TNFRSF13B: variants seen among roughly 807,000 people sequenced by gnomAD.
The protein encoded by TNFRSF13B is tumor necrosis factor receptor superfamily member 13B.
A neutral mutation model predicts 24.0 loss-of-function variants in TNFRSF13B; 34 were observed. The ratio of observed to expected loss-of-function variants is 1.41; its 90% CI spans 1.08 to 1.88. The LOEUF (loss-of-function observed/expected upper bound fraction) is 1.88, where lower values mean the gene tolerates loss of function less well. Among genes scored for constraint, TNFRSF13B ranks in the 40% most tolerant of loss-of-function variants. The pLI is 0.00. For synonymous variants in TNFRSF13B, 173 were observed against 150.3 expected, an observed-to-expected ratio of 1.15 and a Z score of -1.10; for missense variants, 415 against 380.8, an observed-to-expected ratio of 1.09 and a Z score of -0.75.
rs2087594447 is a variant in TNFRSF13B at position 16,952,358 on chromosome 17, G to A, written c.199+88C>T. On this transcript the variant is annotated intron_variant, in intron 2 of 4. Coordinates refer to ENST00000261652, the MANE Select transcript of TNFRSF13B (RefSeq NM_012452.3). ...ATCTCCTCCTGCCACCCTTTCCTCA[G>A]CCACCTGACTGTGGGGCCAGAGGGT... 9 of 1,592,636 alleles carry A rather than the reference G, an allele frequency of 5.7e-6. No homozygotes were observed. In the South Asian group the frequency reaches 6.7e-5, roughly 12 times the overall value.
rs567585669 is a variant in TNFRSF13B at position 16,946,704 on chromosome 17, C to T, written c.445+2034G>A. Among the ~76,000 whole-genome samples the T allele has an allele frequency of 3.3e-5, 5 of 151,998 alleles. No individual in the cohort carries two copies. In the South Asian group the frequency reaches 8.3e-4, roughly 25 times the overall value. On this transcript the variant is annotated intron_variant, in intron 3 of 4. Transcript: ENST00000261652. ...TTGGGTTCAAACAATTCTCCTGCCT[C>T]AGCCTCCCAAGTAGCTGGGACTACA...
At chr17:16,955,439 A>G (rs1249519631) in intron 1 of TNFRSF13B, among the ~76,000 whole-genome samples, 1 of 152,284 alleles carries the variant, frequency 6.6e-6, no homozygotes, top group Non-Finnish European at 1.5e-5. Flanking sequence ...TGTTAGAATT[A>G]TAATTTATAG....
At chr17:16,950,061 A>G (rs2087578216) in intron 2 of TNFRSF13B, among the ~76,000 whole-genome samples, 4 of 152,208 alleles carry the variant, frequency 2.6e-5, no homozygotes. Flanking sequence ...AGAGTAAGGT[A>G]TGGCTTTTGA....
rs866468381 is a variant in TNFRSF13B at position 16,939,432 on chromosome 17, C to T, written c.*115G>A. 6 of 1,287,384 alleles carry T rather than the reference C, an allele frequency of 4.7e-6. 1 individual carries two copies. In the Middle Eastern group the frequency reaches 6.1e-4, roughly 130 times the overall value. The allele number at this position is 1,287,384 out of a possible 1,614,324, so 79.7% of individuals were successfully genotyped here. ...CTCTCTGTCTCCTCTGTTTCTCTCC[C>T]TCTCTGCCTCCTCTGTCTCTCTCTC... is the stretch of plus-strand genomic sequence containing the variant. On this transcript the variant is annotated 3_prime_UTR_variant, in exon 5 of 5. Transcript: ENST00000261652.
intron 3 of TNFRSF13B, among the ~76,000 whole-genome samples, chr17:16,942,911 G>A (rs1025101704): frequency 6.6e-6 from 1 of 152,194 alleles, no homozygotes; most frequent in African/African-American, 2.4e-5. Context: ...CCATGGGGGC[G>A]AGGTTGTGCC....
Position 16,939,514 on chromosome 17 carries a change from C to A in TNFRSF13B, c.*33G>T. ...TTTCTCTCTCCCCTCCTCTCCATCT[C>A]TCTCCCTCCTCCTTTCCCTCCCTGA... On this transcript the variant is annotated 3_prime_UTR_variant, in exon 5 of 5. Transcript: ENST00000261652. The A allele has an allele frequency of 3.7e-6, 6 of 1,604,460 alleles. No individual in the cohort carries two copies. The highest frequency in any genetic ancestry group is 5.1e-6 in the Non-Finnish European group (6 of 1,174,746).
rs541740543 is a variant in TNFRSF13B, at chr17:16,948,297, T to C, written c.445+441A>G. ...CCTCAAACCTTAGCATCAAGCAACA[T>C]ACCCATGTAACAAACCCTACACATG... On this transcript the variant is annotated intron_variant, in intron 3 of 4. Coordinates refer to ENST00000261652, the MANE Select transcript of TNFRSF13B (RefSeq NM_012452.3). Among the ~76,000 whole-genome samples, 6 of 152,056 alleles carry C rather than the reference T, an allele frequency of 3.9e-5. No individual in the cohort carries two copies. The East Asian group carries it at 9.7e-4, about 25-fold the overall frequency.
At chr17:16,964,647 G>C (rs1232096988) in intron 1 of TNFRSF13B, among the ~76,000 whole-genome samples, 1 of 152,092 alleles carries the variant, frequency 6.6e-6, no homozygotes. Flanking sequence ...GGCCTCCCAT[G>C]CTGGTTCTAA....
At position 16,940,530 on chromosome 17, in the gene TNFRSF13B, C is replaced by G; in HGVS notation, c.446-19G>C. 1 of 1,610,986 alleles carries G rather than the reference C, an allele frequency of 6.2e-7. No homozygotes were observed. The highest frequency in any genetic ancestry group is 1.1e-5 in the South Asian group (1 of 90,844). On this transcript the variant is annotated intron_variant, in intron 3 of 4. Coordinates refer to ENST00000261652, the MANE Select transcript of TNFRSF13B (RefSeq NM_012452.3). The stretch of plus-strand genomic sequence containing the variant: ...GGGAGAGCTGCAAGACAGCATGAGA[C>G]CCCTCTCTGCAGTGCCTTCTTCTCT...
chr17:16,950,820 C>G (rs145950804), intron 2 of TNFRSF13B, among the ~76,000 whole-genome samples: 22 of 152,198 alleles, frequency 1.4e-4, no homozygotes, highest in African/African-American at 4.6e-4. Flanking sequence ...CTCCTCTGAG[C>G]CTCTGCTCAT....
chr17:16,949,339 A>G (rs1326654084), intron 2 of TNFRSF13B, among the ~76,000 whole-genome samples: 2 of 152,182 alleles, frequency 1.3e-5, no homozygotes, highest in Non-Finnish European at 2.9e-5. Flanking sequence ...TCTGGATTAC[A>G]TTGTTACATA....
Position 16,966,832 on chromosome 17 carries a change from C to CTTTTTTTTTTTTTTTTTTTTTT in TNFRSF13B, c.61+5182_61+5183insAAAAAAAAAAAAAAAAAAAAAA, listed in dbSNP as rs796602708. ...TTGGTTTTTTTTGTTTTTTCTTTTT[C>CTTTTTTTTTTTTTTTTTTTTTT]TTTTTTCTTTTTTTTTTTTTTTTTG... On this transcript the variant is annotated intron_variant, in intron 1 of 4. Coordinates refer to ENST00000261652, the MANE Select transcript of TNFRSF13B (RefSeq NM_012452.3). Among the ~76,000 whole-genome samples, 3 of 95,848 alleles carry CTTTTTTTTTTTTTTTTTTTTTT rather than the reference C, an allele frequency of 3.1e-5. 1 individual carries two copies. Among genetic ancestry groups the CTTTTTTTTTTTTTTTTTTTTTT allele is most frequent in the East Asian group, 4.7e-4 (1 of 2,116 alleles). The allele number at this position is 95,848 out of a possible 152,430, so 62.9% of individuals were successfully genotyped here. A position where few individuals can be genotyped will look rare whatever the true frequency, so the allele number is the denominator to read the frequency against.
intron 2 of TNFRSF13B, among the ~76,000 whole-genome samples, 182 bp from the exon 3 acceptor site, chr17:16,949,165 T>C (rs2087571370): frequency 6.6e-6 from 1 of 152,238 alleles, no homozygotes; most frequent in Admixed American, 6.5e-5. Flanking sequence ...CTCTAAGTAC[T>C]ATTTTAGCTG....
At chr17:16,956,677 T>C (rs903191378) in intron 1 of TNFRSF13B, among the ~76,000 whole-genome samples, 6 of 152,260 alleles carry the variant, frequency 3.9e-5, no homozygotes, top group East Asian at 1.9e-4. Flanking sequence ...TGGACTGTTA[T>C]TCAATACTGA....
intron 1 of TNFRSF13B, among the ~76,000 whole-genome samples, chr17:16,954,859 C>T (rs35529291): frequency 0.036 from 5,553 of 152,260 alleles, 128 homozygotes; most frequent in South Asian, 0.11. Context: ...AGGGTAGCAA[C>T]GTGGTCCTTC....
At chr17:16,962,255 C>A (rs2087667373) in intron 1 of TNFRSF13B, among the ~76,000 whole-genome samples, 1 of 152,160 alleles carries the variant, frequency 6.6e-6, no homozygotes, top group Non-Finnish European at 1.5e-5. Context: ...GCCTGTTCTC[C>A]AATCACTTTG....
intron 3 of TNFRSF13B, among the ~76,000 whole-genome samples, chr17:16,946,418 G>A (rs1289025518): frequency 1.3e-5 from 2 of 152,136 alleles, no homozygotes; most frequent in African/African-American, 4.8e-5. Context: ...TGCAAAAAGA[G>A]GTGTTTGCTG....
intron 1 of TNFRSF13B, among the ~76,000 whole-genome samples, chr17:16,961,464 T>C (rs1257445607): frequency 6.6e-6 from 1 of 152,248 alleles, no homozygotes; most frequent in Non-Finnish European, 1.5e-5. Context: ...TTGAAGATAT[T>C]ATGCTAAGTG....
Position 16,939,683 on chromosome 17 carries a change from C to T in TNFRSF13B, c.746G>A (p.Gly249Glu), listed in dbSNP as rs1321374279. ...TCCAGCACAAGTGGGGTCGGGGGTC[C>T]CAGGCGTGACTGCGCTCTCCTGCGT... ...APTQESAVTP[G>E]TPDPTCAGRW... The change falls in exon 5 of 5, where the codon GGG (glycine) becomes GAG (glutamate). Residue 249 changes from glycine to glutamate, a missense_variant. Physicochemically the swap from Gly to Glu is moderately conservative, Grantham distance 98. Coordinates refer to ENST00000261652, the MANE Select transcript of TNFRSF13B (RefSeq NM_012452.3). 2 of 1,610,272 alleles carry T rather than the reference C, an allele frequency of 1.2e-6. No individual in the cohort carries two copies. Among genetic ancestry groups the T allele is most frequent in the South Asian group, 1.1e-5 (1 of 90,680 alleles).
Sources: allele counts gnomAD v4.1 joint callset (sites outside exome capture counted in the v4.1 genomes callset), GRCh38; gene constraint gnomAD v4.1.1; transcripts MANE v1.5; gene names NCBI Gene and HGNC (gene_info 2026-07-23, HGNC 2026-07-21).